The following NIBAN1 variants were observed in gnomAD, a reference collection of about 807,000 sequenced individuals.
The protein encoded by NIBAN1 is protein Niban 1.
NIBAN1 carries 81 observed loss-of-function variants against 75.1 expected under a neutral mutation model. That is an observed-to-expected ratio of 1.08 (90% confidence interval 0.90 to 1.30). The LOEUF (loss-of-function observed/expected upper bound fraction) is 1.30, where lower values mean the gene tolerates loss of function less well. Among genes scored for constraint, NIBAN1 ranks in the 50% most tolerant of loss-of-function variants. The pLI, the probability that NIBAN1 is intolerant of heterozygous loss-of-function variation, is 0.00. For synonymous variants in NIBAN1, 436 were observed against 424.8 expected (o/e 1.03, Z -0.32); for missense variants, 1,133 against 1,128.1 (o/e 1.00, Z -0.06).
intron 6 of NIBAN1, among the ~76,000 whole-genome samples, chr1:184,828,264 T>A (rs75762256): frequency 0.025 from 3,857 of 152,258 alleles, 123 homozygotes; most frequent in African/African-American, 0.077. Flanking sequence ...GGCCTTCCAT[T>A]CTTGCTGTGT....
intron 8 of NIBAN1, among the ~76,000 whole-genome samples, chr1:184,820,094 T>G (rs1385698615): frequency 2.0e-5 from 3 of 152,210 alleles, no homozygotes; most frequent in Admixed American, 1.3e-4. Context: ...TTCAATTGTA[T>G]GATCCAAATA....
chr1:184,961,517 C>A (rs1324285679), intron 1 of NIBAN1, among the ~76,000 whole-genome samples: 1 of 152,176 alleles, frequency 6.6e-6, no homozygotes, highest in African/African-American at 2.4e-5. Flanking sequence ...TGTTTTTAAT[C>A]CCTTCGTGAC....
chr1:184,883,028 G>A (rs759932783), intron 5 of NIBAN1, among the ~76,000 whole-genome samples: 8 of 152,028 alleles, frequency 5.3e-5, no homozygotes, highest in Non-Finnish European at 7.4e-5. Flanking sequence ...ATCTTTTTCC[G>A]TGAGTCCCCA....
At chr1:184,807,952 G>T in intron 10 of NIBAN1, 122 bp downstream of exon 10, 2 of 1,124,148 alleles carry the variant, frequency 1.8e-6, no homozygotes, top group South Asian at 1.3e-5. Context: ...CCCGCAACAT[G>T]ATGGCTAAAG....
intron 6 of NIBAN1, among the ~76,000 whole-genome samples, chr1:184,830,195 T>G (rs1216959870): frequency 6.6e-6 from 1 of 152,222 alleles, no homozygotes; most frequent in African/African-American, 2.4e-5. Context: ...CTCATAAGAT[T>G]GGCAAGACAA....
At chr1:184,803,513 A>C in intron 12 of NIBAN1, 72 bp downstream of exon 12, 1 of 1,187,252 alleles carries the variant, frequency 8.4e-7, no homozygotes, top group Non-Finnish European at 1.2e-6. Context: ...TTGCCAGTAC[A>C]CATCACAAAA....
At chr1:184,835,449 A>G (rs1355798271) in intron 5 of NIBAN1, among the ~76,000 whole-genome samples, 1 of 152,200 alleles carries the variant, frequency 6.6e-6, no homozygotes, top group African/African-American at 2.4e-5. Context: ...GGCCATTTTC[A>G]TGATATTCTT....
At chr1:184,899,399 T>C (rs1656887546) in intron 1 of NIBAN1, 90 bp from the exon 2 acceptor site, 1 of 1,349,710 alleles carries the variant, frequency 7.4e-7, no homozygotes, top group African/African-American at 1.5e-5. Context: ...CCAGTCTCTC[T>C]GTTTCTATCC....
intron 1 of NIBAN1, among the ~76,000 whole-genome samples, chr1:184,926,130 T>C (rs1657676055): frequency 6.6e-6 from 1 of 152,226 alleles, no homozygotes; most frequent in Non-Finnish European, 1.5e-5. Flanking sequence ...ATTTTTTTTT[T>C]CCTTCGGTAC....
chr1:184,947,351 A>C (rs1397251227), intron 1 of NIBAN1, among the ~76,000 whole-genome samples: 1 of 152,216 alleles, frequency 6.6e-6, no homozygotes, highest in Non-Finnish European at 1.5e-5. Context: ...GCAAATTCAT[A>C]GATGGAAAGT....
Position 184,917,452 on chromosome 1 carries a change from G to A in NIBAN1, c.56-18143C>T, listed in dbSNP as rs567918314. Among the ~76,000 whole-genome samples the A allele has an allele frequency of 6.3e-4, 87 of 138,244 alleles. 1 individual carries two copies. The highest frequency in any genetic ancestry group is 8.1e-3 in the Middle Eastern group (2 of 246). 90.7% of individuals were successfully genotyped at this position (138,244 alleles called of 152,430 possible). Reference sequence around the variant, plus strand: ...AGGTCTTGATCTGACCTCGTGATCCGCCCGCCTCGGCCTCCCAAAGTGCTG... The same window carrying A: ...AGGTCTTGATCTGACCTCGTGATCCACCCGCCTCGGCCTCCCAAAGTGCTG... On this transcript the variant is annotated intron_variant, in intron 1 of 13. Coordinates refer to ENST00000367511, the MANE Select transcript of NIBAN1 (RefSeq NM_052966.4).
chr1:184,843,687 A>T (rs1281271774), intron 5 of NIBAN1, among the ~76,000 whole-genome samples: 1 of 152,232 alleles, frequency 6.6e-6, no homozygotes, highest in Non-Finnish European at 1.5e-5. Context: ...ATTCTAAGAC[A>T]GTGAGTGCAA....
chr1:184,951,073 C>T (rs145781965), intron 1 of NIBAN1, among the ~76,000 whole-genome samples: 5 of 152,304 alleles, frequency 3.3e-5, no homozygotes, highest in African/African-American at 1.2e-4. Flanking sequence ...GACACCCAGC[C>T]GCCTCCTCTC....
At chr1:184,863,135 G>A (rs1348865475) in intron 5 of NIBAN1, among the ~76,000 whole-genome samples, 1 of 152,114 alleles carries the variant, frequency 6.6e-6, no homozygotes, top group African/African-American at 2.4e-5. Context: ...CACACGATGC[G>A]GTAGGCATTA....
At chr1:184,874,601 T>C (rs1349301846) in intron 5 of NIBAN1, among the ~76,000 whole-genome samples, 1 of 152,100 alleles carries the variant, frequency 6.6e-6, no homozygotes, top group Non-Finnish European at 1.5e-5. Context: ...TGTGTGCTTA[T>C]ATATACACAC....
At chr1:184,950,886 T>C (rs1330504405) in intron 1 of NIBAN1, among the ~76,000 whole-genome samples, 4 of 152,222 alleles carry the variant, frequency 2.6e-5, no homozygotes, top group Non-Finnish European at 4.4e-5. Flanking sequence ...AAGTAAAATA[T>C]ATTGTGAGCA....
rs908621298 is a variant in NIBAN1 at position 184,791,137 on chromosome 1, T to C, written c.*3840A>G. On this transcript the variant is annotated 3_prime_UTR_variant, in exon 14 of 14. Transcript: ENST00000367511. ...TTTATATAGTGACCGGGAAAGTCAA[T>C]CCACAGTGTCGATTTTTTTTCTTGA... The C allele has an allele frequency of 4.1e-5, 18 of 437,280 alleles. 1 individual carries two copies. In the East Asian group the frequency reaches 1.2e-3, roughly 30 times the overall value. 27.1% of individuals were successfully genotyped at this position (437,280 alleles called of 1,614,324 possible). A position where few individuals can be genotyped will look rare whatever the true frequency, so the allele number is the denominator to read the frequency against.
chr1:184,794,275 C>T lies in NIBAN1; in HGVS notation c.*702G>A, dbSNP rs1653774953. On this transcript the variant is annotated 3_prime_UTR_variant, in exon 14 of 14. Transcript: ENST00000367511. ...ACCCAGGCCAATAAAATTTTCTTGC[C>T]TCATCTGAATTTCCTGCAAATGTGA... The T allele has an allele frequency of 6.5e-6, 1 of 153,138 alleles. No individual in the cohort carries two copies. Among genetic ancestry groups the T allele is most frequent in the Non-Finnish European group, 1.5e-5 (1 of 68,890 alleles). 9.5% of individuals were successfully genotyped at this position (153,138 alleles called of 1,614,324 possible).
chr1:184,823,008 C>T lies in NIBAN1; in HGVS notation c.985+159G>A, dbSNP rs139172100. Among the ~76,000 whole-genome samples the T allele has an allele frequency of 3.0e-3, 452 of 152,326 alleles. 5 individuals carry two copies. The East Asian group carries it at 0.038, about 13-fold the overall frequency. On this transcript the variant is annotated intron_variant, in intron 8 of 13. Transcript: ENST00000367511. ...AAGCTTCCACGGGAAGGCCCAGGCCCCTAATGGTACCTCCAGCATGTTCCT... is the reference window on the plus strand; with the variant it reads ...AAGCTTCCACGGGAAGGCCCAGGCCTCTAATGGTACCTCCAGCATGTTCCT...
Sources: gnomAD v4.1 joint callset for allele counts (sites outside exome capture counted in the v4.1 genomes callset) on GRCh38, gnomAD v4.1.1 for gene constraint, MANE v1.5 for transcripts, NCBI Gene and HGNC (gene_info 2026-07-23, HGNC 2026-07-21) for gene names.